EBF1: variants seen among roughly 807,000 people sequenced by gnomAD.
The protein encoded by EBF1 is transcription factor COE1.
In EBF1, 10 loss-of-function variants were observed where a neutral mutation model predicts 68.4. The observed-to-expected ratio is 0.15, with a 90% CI of 0.09 to 0.25. The LOEUF (loss-of-function observed/expected upper bound fraction) is 0.25, where lower values mean the gene tolerates loss of function less well. Among genes scored for constraint, EBF1 ranks in the 10% least tolerant of loss-of-function variants. EBF1 has a pLI of 1.00. For missense variants in EBF1, 509 were observed against 794.4 expected (o/e 0.64, Z 4.32); for synonymous variants, 298 against 299.8 (o/e 0.99, Z 0.06).
intron 6 of EBF1, among the ~76,000 whole-genome samples, chr5:158,877,730 A>C (rs1016573514): frequency 6.6e-6 from 1 of 152,138 alleles, no homozygotes; most frequent in Admixed American, 6.5e-5. Flanking sequence ...TCCAATTGGT[A>C]TTATATTTTG....
chr5:158,899,060 T>C (rs1802746115), intron 6 of EBF1, among the ~76,000 whole-genome samples: 1 of 152,230 alleles, frequency 6.6e-6, no homozygotes, highest in Non-Finnish European at 1.5e-5. Context: ...TATTGTTGAA[T>C]ACAAGATGCG....
chr5:158,902,713 C>T (rs1345550809), intron 6 of EBF1, among the ~76,000 whole-genome samples: 2 of 151,970 alleles, frequency 1.3e-5, no homozygotes, highest in African/African-American at 4.8e-5. Flanking sequence ...ATATCAGCCT[C>T]TCAAAGTGCT....
intron 6 of EBF1, among the ~76,000 whole-genome samples, chr5:158,854,506 C>CATGAGGCTGTCCACAG (rs1312255258): frequency 6.6e-6 from 1 of 152,220 alleles, no homozygotes; most frequent in Admixed American, 6.5e-5. Flanking sequence ...TATTTACCAG[C>CATGAGGCTGTCCACAG]ATGAGGCTGT....
At chr5:158,786,129 A>T (rs2127712667) in intron 9 of EBF1, among the ~76,000 whole-genome samples, 1 of 152,282 alleles carries the variant, frequency 6.6e-6, no homozygotes, top group Admixed American at 6.5e-5. Flanking sequence ...CTCCATTCAG[A>T]ATTCTTTTTA....
At chr5:158,807,449 C>T (rs1781802226) in intron 8 of EBF1, among the ~76,000 whole-genome samples, 1 of 152,260 alleles carries the variant, frequency 6.6e-6, no homozygotes, top group South Asian at 2.1e-4. Context: ...TTATAAAAGA[C>T]ATTAGTAAAT....
chr5:158,986,780 G>GCCTGGACCC (rs1289477600), intron 6 of EBF1: 2 of 152,108 alleles, frequency 1.3e-5, no homozygotes, highest in African/African-American at 4.8e-5. Flanking sequence ...TATAATCTTT[G>GCCTGGACCC]CCTGGACCCC....
intron 6 of EBF1, among the ~76,000 whole-genome samples, chr5:158,898,076 C>T (rs1481056542): frequency 6.6e-6 from 1 of 152,194 alleles, no homozygotes; most frequent in African/African-American, 2.4e-5. Flanking sequence ...CCAGAAGACC[C>T]TAATCTCTTG....
intron 11 of EBF1, among the ~76,000 whole-genome samples, chr5:158,716,384 C>T (rs1760710898): frequency 5.3e-5 from 8 of 152,126 alleles, no homozygotes. Flanking sequence ...TTCTTTGATC[C>T]ACCATGCTGG....
At chr5:158,958,530 A>G (rs1817576366) in intron 6 of EBF1, among the ~76,000 whole-genome samples, 1 of 152,166 alleles carries the variant, frequency 6.6e-6, no homozygotes, top group Non-Finnish European at 1.5e-5. Flanking sequence ...CAGTCAGGGA[A>G]GACTGTCTGA....
chr5:158,867,670 G>A (rs142719802), intron 6 of EBF1, among the ~76,000 whole-genome samples: 2 of 152,194 alleles, frequency 1.3e-5, no homozygotes, highest in Admixed American at 6.5e-5. Flanking sequence ...CTTAGTTTGC[G>A]GGAAGAAAAC....
chr5:158,952,238 C>G (rs1197570303), intron 6 of EBF1, among the ~76,000 whole-genome samples: 1 of 152,126 alleles, frequency 6.6e-6, no homozygotes, highest in Admixed American at 6.5e-5. Flanking sequence ...AGTCAAAAAG[C>G]TAGGGAAAGG....
chr5:158,893,367 C>T (rs573188349), intron 6 of EBF1, among the ~76,000 whole-genome samples: 2 of 152,228 alleles, frequency 1.3e-5, no homozygotes, highest in Admixed American at 1.3e-4. Context: ...ATTGCTGTAT[C>T]GAGAATTCCT....
intron 6 of EBF1, among the ~76,000 whole-genome samples, chr5:158,965,861 A>G (rs1296532689): frequency 6.6e-6 from 1 of 152,238 alleles, no homozygotes; most frequent in Non-Finnish European, 1.5e-5. Flanking sequence ...AGACTAGCCC[A>G]TCGGCACTCT....
chr5:158,788,900 A>G (rs1777993340), intron 9 of EBF1, among the ~76,000 whole-genome samples: 2 of 152,214 alleles, frequency 1.3e-5, no homozygotes, highest in African/African-American at 4.8e-5. Flanking sequence ...GTCATCAAAA[A>G]TAACAATATA....
intron 6 of EBF1, among the ~76,000 whole-genome samples, chr5:158,919,673 T>C (rs1028544572): frequency 6.6e-6 from 1 of 152,192 alleles, no homozygotes; most frequent in Admixed American, 6.5e-5. Flanking sequence ...TAACAGCATA[T>C]GTGGGGACAA....
chr5:159,009,958 C>T (rs1006614545), intron 6 of EBF1, among the ~76,000 whole-genome samples: 22 of 152,250 alleles, frequency 1.4e-4, no homozygotes, highest in Admixed American at 1.4e-3. Context: ...TTATGTATGA[C>T]TTACTCAAAA....
At chr5:158,857,606 G>A (rs903585174) in intron 6 of EBF1, among the ~76,000 whole-genome samples, 2 of 152,162 alleles carry the variant, frequency 1.3e-5, no homozygotes, top group African/African-American at 4.8e-5. Flanking sequence ...AAAAAAGTAA[G>A]TGTAAGTGCT....
chr5:158,948,518 A>C (rs183068509), intron 6 of EBF1, among the ~76,000 whole-genome samples: 1 of 152,334 alleles, frequency 6.6e-6, no homozygotes. Flanking sequence ...GGGATTAAGC[A>C]TGGCCTAGAA....
At chr5:158,875,339 C>T (rs993508270) in intron 6 of EBF1, among the ~76,000 whole-genome samples, 4 of 152,140 alleles carry the variant, frequency 2.6e-5, no homozygotes, top group Non-Finnish European at 2.9e-5. Context: ...TTTAACCTTT[C>T]CAAATGGACT....
Sources: allele counts gnomAD v4.1 joint callset (sites outside exome capture counted in the v4.1 genomes callset), GRCh38; gene constraint gnomAD v4.1.1; transcripts MANE v1.5; gene names NCBI Gene and HGNC (gene_info 2026-07-23, HGNC 2026-07-21).